The following FRMPD4 variants were observed in gnomAD, a reference collection of about 807,000 sequenced individuals.
The protein encoded by FRMPD4 is FERM and PDZ domain containing 4, also known as FERM and PDZ domain-containing protein 4.
In FRMPD4, 22 loss-of-function variants were observed where a neutral mutation model predicts 94.1. The ratio of observed to expected loss-of-function variants is 0.23; its 90% CI spans 0.17 to 0.33. FRMPD4 has a LOEUF of 0.33. Ranked by LOEUF, FRMPD4 falls within the 10% of genes least tolerant of loss-of-function variation. The pLI, the probability that FRMPD4 is intolerant of heterozygous loss-of-function variation, is 1.00. For missense variants in FRMPD4, 1,111 were observed against 1,339.9 expected (o/e 0.83, Z 2.67); for synonymous variants, 631 against 548.6 (o/e 1.15, Z -2.10).
At chrX:12,550,889 C>T (rs1437619530) in intron 2 of FRMPD4, among the ~76,000 whole-genome samples, 4 of 105,727 alleles carry the variant, frequency 3.8e-5, no homozygotes, top group African/African-American at 1.4e-4. Context: ...TTAATATATT[C>T]CCTTTTATAT....
At chrX:12,478,856 C>A (rs1048612136) in intron 1 of FRMPD4, among the ~76,000 whole-genome samples, 6 of 111,439 alleles carry the variant, frequency 5.4e-5, no homozygotes, top group Non-Finnish European at 1.1e-4. Flanking sequence ...TTATAAAATT[C>A]TCTTTAAAAG....
chrX:12,718,125 G>T lies in FRMPD4; in HGVS notation c.3299G>T (p.Gly1100Val). Residue 1100 changes from glycine (G) to valine (V), a missense_variant, in exon 16 of 17, where the codon GGG (glycine) becomes GTG (valine). Around this residue, in one of 8 missense-constraint regions of FRMPD4, gnomAD observed 551 missense variants for 591.6 expected, o/e 0.93. Transcript: ENST00000675598. The part of the protein sequence containing the change: ...SQRWYVATEG[G>V]MAEKSGLEAA... ...AGATGGTATGTGGCCACTGAAGGTG[G>T]GATGGCTGAAAAAAGTGGATTAGAA... The T allele has an allele frequency of 5.8e-6, 7 of 1,211,477 alleles. No individual in the cohort carries two copies. Among genetic ancestry groups the T allele is most frequent in the Non-Finnish European group, 7.8e-6 (7 of 895,244 alleles).
At chrX:11,987,098 TAAAAAAAAAA>T (rs35377550) in intron 3 of FRMPD4, among the ~76,000 whole-genome samples, 36 of 21,842 alleles carry the variant, frequency 1.6e-3, no homozygotes, top group African/African-American at 0.011. Flanking sequence ...AAAGACACAT[TAAAAAAAAAA>T]AAAAAAAAAA....
chrX:12,652,198 G>A (rs1278871497), intron 4 of FRMPD4, among the ~76,000 whole-genome samples: 2 of 111,709 alleles, frequency 1.8e-5, no homozygotes, highest in African/African-American at 3.2e-5. Flanking sequence ...AATCCTCCCC[G>A]TCTTCTTCTC....
intron 1 of FRMPD4, among the ~76,000 whole-genome samples, chrX:12,420,549 A>G (rs1296545161): frequency 4.5e-5 from 5 of 111,969 alleles, no homozygotes; most frequent in African/African-American, 1.3e-4. Flanking sequence ...CCATGCTGCC[A>G]TGGGCTCTCC....
rs890629331 is a variant in FRMPD4, at chrX:12,460,745, G to T, written c.42-37935G>T. Among the ~76,000 whole-genome samples the T allele has an allele frequency of 2.7e-5, 3 of 111,262 alleles. No homozygotes were observed. The Admixed American group carries it at 2.9e-4, about 11-fold the overall frequency. On this transcript the variant is annotated intron_variant, in intron 1 of 16. Transcript: ENST00000675598. The stretch of plus-strand genomic sequence containing the variant: ...TTTTTTAAGTAAAGGAGCATATTGG[G>T]CCTCGTAATTCCCTGGTTTTTACTG...
rs1258932160 is a variant in FRMPD4 at position 12,109,211 on chromosome X, A to T, written c.95+231193A>T. On this transcript the variant is annotated intron_variant, in intron 3 of 18. Transcript: ENST00000640291. ...CAGCAAATGTAAAAGAACAGAAATT[A>T]TAACAAACTGCCTCTCAGACAACAG... Among the ~76,000 whole-genome samples, 10 of 112,297 alleles carry T rather than the reference A, an allele frequency of 8.9e-5. No homozygotes were observed. In the East Asian group the frequency reaches 2.5e-3, roughly 28 times the overall value.
intron 2 of FRMPD4, among the ~76,000 whole-genome samples, chrX:12,580,988 G>A (rs769315883): frequency 8.9e-6 from 1 of 112,358 alleles, no homozygotes; most frequent in Non-Finnish European, 1.9e-5. Flanking sequence ...GTTGACCACA[G>A]ATAACTGAAA....
At chrX:12,229,240 TTG>T (rs1301411401) in intron 1 of FRMPD4, among the ~76,000 whole-genome samples, 2 of 111,900 alleles carry the variant, frequency 1.8e-5, no homozygotes, top group Non-Finnish European at 3.8e-5. Flanking sequence ...TGTCATCTCT[TTG>T]TGTTTCATTA....
chrX:12,546,227 G>T (rs951800239), intron 2 of FRMPD4, among the ~76,000 whole-genome samples: 1 of 107,813 alleles, frequency 9.3e-6, no homozygotes, highest in African/African-American at 3.4e-5. Context: ...TTGCCCAGGG[G>T]TGGAGTGCGG....
chrX:12,282,624 G>A (rs957464647), intron 1 of FRMPD4, among the ~76,000 whole-genome samples: 1 of 111,473 alleles, frequency 9.0e-6, no homozygotes, highest in Non-Finnish European at 1.9e-5. Context: ...ACTACTCTGC[G>A]GCTAGGCCTG....
intron 3 of FRMPD4, among the ~76,000 whole-genome samples, chrX:12,012,198 C>T (rs758911746): frequency 9.0e-6 from 1 of 111,664 alleles, no homozygotes; most frequent in South Asian, 3.8e-4. Flanking sequence ...TGCGCCCAGC[C>T]CTGAATGCTT....
At chrX:12,278,283 T>C (rs1456207499) in intron 1 of FRMPD4, among the ~76,000 whole-genome samples, 1 of 112,167 alleles carries the variant, frequency 8.9e-6, no homozygotes, top group African/African-American at 3.2e-5. Flanking sequence ...GGAATGATTT[T>C]TTTCCCCCAG....
chrX:12,107,138 G>A (rs189953404), intron 3 of FRMPD4, among the ~76,000 whole-genome samples: 78 of 112,078 alleles, frequency 7.0e-4, no homozygotes, highest in South Asian at 1.9e-3. Context: ...GCCTAACTGT[G>A]AGGCACCCTC....
intron 3 of FRMPD4, among the ~76,000 whole-genome samples, chrX:12,106,510 C>T (rs575292849): frequency 9.9e-5 from 11 of 111,027 alleles, no homozygotes; most frequent in African/African-American, 2.3e-4. Context: ...GCATTTCCAA[C>T]GGACGTACCG....
intron 1 of FRMPD4, among the ~76,000 whole-genome samples, chrX:12,402,477 A>T (rs1167255247): frequency 1.8e-5 from 2 of 111,573 alleles, no homozygotes; most frequent in African/African-American, 6.5e-5. Flanking sequence ...ACTCAAGTCA[A>T]ACCCCAAGGA....
chrX:12,472,996 C>G (rs778012625), intron 1 of FRMPD4, among the ~76,000 whole-genome samples: 2 of 109,269 alleles, frequency 1.8e-5, no homozygotes, highest in Non-Finnish European at 3.8e-5. Context: ...AGAGCAACTC[C>G]AAGACACATA....
intron 1 of FRMPD4, among the ~76,000 whole-genome samples, chrX:12,429,782 A>T (rs1450714142): frequency 8.9e-6 from 1 of 112,288 alleles, no homozygotes; most frequent in Admixed American, 9.4e-5. Flanking sequence ...CGATAGGATT[A>T]AGAAGTGGGG....
chrX:12,669,589 A>G (rs757920305), intron 4 of FRMPD4, among the ~76,000 whole-genome samples: 1 of 112,319 alleles, frequency 8.9e-6, no homozygotes, highest in African/African-American at 3.2e-5. Context: ...ATGTCCTCAT[A>G]CTAATTTCCA....
Sources: allele counts gnomAD v4.1 joint callset (sites outside exome capture counted in the v4.1 genomes callset), GRCh38; gene constraint gnomAD v4.1.1; regional missense constraint gnomAD v4.1.1; transcripts MANE v1.5; gene names NCBI Gene and HGNC (gene_info 2026-07-23, HGNC 2026-07-21).